Variants in DPYD observed in about 807,000 individuals in gnomAD.
The protein encoded by DPYD is dihydropyrimidine dehydrogenase, also known as dihydropyrimidine dehydrogenase [NADP(+)].
A neutral mutation model predicts 116.2 loss-of-function variants in DPYD; 109 were observed. The ratio of observed to expected loss-of-function variants is 0.94; its 90% CI spans 0.80 to 1.10. The LOEUF (loss-of-function observed/expected upper bound fraction) is 1.10. DPYD is among the 50% of genes least tolerant of loss of function. DPYD has a pLI of 0.00. For synonymous variants in DPYD, 440 were observed against 432.0 expected (o/e 1.02, Z -0.23); for missense variants, 1,302 against 1,254.5 (o/e 1.04, Z -0.57).
At chr1:97,425,478 A>C (rs1253757635) in intron 14 of DPYD, among the ~76,000 whole-genome samples, 1 of 152,142 alleles carries the variant, frequency 6.6e-6, no homozygotes, top group Non-Finnish European at 1.5e-5. Flanking sequence ...AGGGAAACTT[A>C]GAGATTTCGG....
intron 2 of DPYD, among the ~76,000 whole-genome samples, chr1:97,828,761 T>C (rs907431221): frequency 2.0e-5 from 3 of 152,126 alleles, no homozygotes; most frequent in South Asian, 4.2e-4. Context: ...ACTGCACATA[T>C]ATATTTATAT....
intron 20 of DPYD, among the ~76,000 whole-genome samples, chr1:97,144,616 C>A (rs1654474340): frequency 6.6e-6 from 1 of 152,106 alleles, no homozygotes; most frequent in African/African-American, 2.4e-5. Context: ...CAGAGAAAAG[C>A]TTCAAAAAGT....
At chr1:97,705,833 G>A (rs533520308) in intron 5 of DPYD, among the ~76,000 whole-genome samples, 1 of 152,038 alleles carries the variant, frequency 6.6e-6, no homozygotes, top group East Asian at 1.9e-4. Flanking sequence ...ATTCTAACTG[G>A]TGTGAGATGG....
At chr1:97,137,702 C>A (rs1432654394) in intron 20 of DPYD, among the ~76,000 whole-genome samples, 1 of 152,094 alleles carries the variant, frequency 6.6e-6, no homozygotes, top group Non-Finnish European at 1.5e-5. Context: ...TTTGAGCACT[C>A]AAGATGCGCT....
intron 14 of DPYD, among the ~76,000 whole-genome samples, chr1:97,400,670 A>G (rs1244036870): frequency 6.6e-6 from 1 of 152,116 alleles, no homozygotes; most frequent in Admixed American, 6.6e-5. Context: ...TTCCTGGTTT[A>G]GTCTTGGGAG....
chr1:97,227,961 A>C (rs1047458220), intron 19 of DPYD, among the ~76,000 whole-genome samples: 1 of 152,006 alleles, frequency 6.6e-6, no homozygotes, highest in Non-Finnish European at 1.5e-5. Context: ...TTCTTCAATA[A>C]AAATTTTCTA....
chr1:97,616,787 T>C (rs1018514698), intron 8 of DPYD, among the ~76,000 whole-genome samples: 1 of 152,340 alleles, frequency 6.6e-6, no homozygotes, highest in Admixed American at 6.5e-5. Context: ...GTTTATGTTA[T>C]GTACAAAAAG....
intron 20 of DPYD, among the ~76,000 whole-genome samples, chr1:97,100,743 T>C (rs891440613): frequency 6.6e-6 from 1 of 152,112 alleles, no homozygotes; most frequent in Non-Finnish European, 1.5e-5. Flanking sequence ...AGACAATGAA[T>C]GTAGTTAAAT....
At chr1:97,174,008 T>C (rs935589091) in intron 20 of DPYD, among the ~76,000 whole-genome samples, 13 of 151,908 alleles carry the variant, frequency 8.6e-5, no homozygotes, top group African/African-American at 3.1e-4. Context: ...CTATAAATGT[T>C]ATAATTTTAT....
At chr1:97,605,750 C>A (rs1340972606) in intron 8 of DPYD, among the ~76,000 whole-genome samples, 3 of 151,898 alleles carry the variant, frequency 2.0e-5, no homozygotes, top group South Asian at 4.1e-4. Context: ...TAATATATCT[C>A]AATAGTATGA....
At chr1:97,856,537 C>A (rs1670855383) in intron 2 of DPYD, 1 of 152,180 alleles carries the variant, frequency 6.6e-6, no homozygotes, top group Non-Finnish European at 1.5e-5. Context: ...AAAATGCCTG[C>A]ACATAAGACA....
intron 20 of DPYD, among the ~76,000 whole-genome samples, chr1:97,173,213 C>T (rs961797153): frequency 4.6e-4 from 65 of 141,828 alleles, no homozygotes; most frequent in Admixed American, 1.6e-3. Context: ...TACATATATA[C>T]ACATATACGT....
rs1316457530 is a variant in DPYD at position 97,605,308 on chromosome 1, T to C, written c.851-10142A>G. On this transcript the variant is annotated intron_variant, in intron 8 of 22. Coordinates refer to ENST00000370192, the MANE Select transcript of DPYD (RefSeq NM_000110.4). ...TGAATTGTAATCTCTGTAATCCCCA[T>C]TAATTCTCACATGTTGTGGGAGGGA... is the stretch of plus-strand genomic sequence containing the variant. Among the ~76,000 whole-genome samples, 3 of 151,984 alleles carry C rather than the reference T, an allele frequency of 2.0e-5. No homozygotes were observed. The East Asian group carries it at 5.8e-4, about 29-fold the overall frequency.
intron 14 of DPYD, among the ~76,000 whole-genome samples, chr1:97,391,033 C>T (rs945703742): frequency 1.4e-5 from 2 of 147,096 alleles, no homozygotes; most frequent in East Asian, 4.2e-4. Context: ...TTTGGAGATA[C>T]CACTTACTTT....
intron 1 of DPYD, among the ~76,000 whole-genome samples, chr1:97,903,602 A>G (rs1193786647): frequency 6.6e-6 from 1 of 151,936 alleles, no homozygotes; most frequent in African/African-American, 2.4e-5. Context: ...TTTAATATCA[A>G]CAGTATCTTT....
chr1:97,444,450 CAT>C (rs993895997), intron 14 of DPYD, among the ~76,000 whole-genome samples: 27 of 152,078 alleles, frequency 1.8e-4, no homozygotes, highest in African/African-American at 6.5e-4. Context: ...GTGCCTGAAA[CAT>C]ATGAAATGCT....
At chr1:97,542,197 C>A (rs1650498859) in intron 12 of DPYD, among the ~76,000 whole-genome samples, 1 of 152,104 alleles carries the variant, frequency 6.6e-6, no homozygotes, top group Non-Finnish European at 1.5e-5. Context: ...TCTCATTTTT[C>A]CTATATAATC....
chr1:97,303,372 T>G (rs1369947990), intron 18 of DPYD, among the ~76,000 whole-genome samples: 3 of 152,030 alleles, frequency 2.0e-5, no homozygotes, highest in Non-Finnish European at 4.4e-5. Context: ...TTTTTAAAAA[T>G]CTTATAAAAA....
intron 13 of DPYD, among the ~76,000 whole-genome samples, chr1:97,476,114 C>T (rs1242071818): frequency 1.3e-5 from 2 of 152,092 alleles, no homozygotes; most frequent in Non-Finnish European, 2.9e-5. Context: ...TCCTAGTGAC[C>T]ATGGAAGTCT....
Sources: allele counts gnomAD v4.1 joint callset (sites outside exome capture counted in the v4.1 genomes callset), GRCh38; gene constraint gnomAD v4.1.1; transcripts MANE v1.5; gene names NCBI Gene and HGNC (gene_info 2026-07-23, HGNC 2026-07-21).